Variants in OR8D4 observed in about 807,000 individuals in gnomAD.
OR8D4 encodes olfactory receptor 8D4.
For missense variants in OR8D4, 359 were observed against 372.6 expected (o/e 0.96, Z 0.30); for synonymous variants, 141 against 134.8 (o/e 1.05, Z -0.32).
In OR8D4 at chr11:123,907,297, T is replaced by C. The variant is rs1177985696; in HGVS notation, c.866T>C (p.Ile289Thr). The C allele has an allele frequency of 1.3e-6, 2 of 1,592,516 alleles. No homozygotes were observed. The highest frequency in any genetic ancestry group is 8.6e-7 in the Non-Finnish European group (1 of 1,163,862). ...GTGATTCTCATGTTGAATCCCTTGATATATAGTCTGAGGAACAATGAAGTA... is the reference window on the plus strand; with the variant it reads ...GTGATTCTCATGTTGAATCCCTTGACATATAGTCTGAGGAACAATGAAGTA... ...TTVILMLNPL[I>T]YSLRNNEVRN... Residue 289 changes from isoleucine to threonine, a missense_variant, in exon 2 of 2, where the codon ATA (isoleucine) becomes ACA (threonine). Coordinates refer to ENST00000641687, the MANE Select transcript of OR8D4 (RefSeq NM_001005197.2).
Position 123,908,458 on chromosome 11 carries a change from G to C in OR8D4, c.*1082G>C, listed in dbSNP as rs376169670. On this transcript the variant is annotated 3_prime_UTR_variant, in exon 2 of 2. Coordinates refer to ENST00000641687, the MANE Select transcript of OR8D4 (RefSeq NM_001005197.2). ...ATACAGTGAACCAAGATAGTATGCT[G>C]TATGGGGAATGTGATGTATTAGCTA... is the stretch of plus-strand genomic sequence containing the variant. The C allele has an allele frequency of 6.6e-6, 1 of 152,152 alleles. No individual in the cohort carries two copies. Among genetic ancestry groups the C allele is most frequent in the African/African-American group, 2.4e-5 (1 of 41,436 alleles). 9.4% of individuals were successfully genotyped at this position (152,152 alleles called of 1,614,324 possible). A position where few individuals can be genotyped will look rare whatever the true frequency, so the allele number is the denominator to read the frequency against.
At chr11:123,903,235 A>T (rs1863175368) in intron 1 of OR8D4, among the ~76,000 whole-genome samples, 1 of 152,164 alleles carries the variant, frequency 6.6e-6, no homozygotes, top group African/African-American at 2.4e-5. Flanking sequence ...CACCATTTTA[A>T]ATCAGGGACT....
Position 123,907,186 on chromosome 11 carries a change from A to T in OR8D4, c.755A>T (p.Tyr252Phe), listed in dbSNP as rs781326092. The T allele has an allele frequency of 1.9e-6, 3 of 1,613,634 alleles. No individual in the cohort carries two copies. The Admixed American group carries it at 5.0e-5, about 27-fold the overall frequency. ...SSHLTAVLMF[Y>F]GSLMSMYLKP... Reference sequence around the variant, plus strand: ...CACCTGACAGCTGTTCTTATGTTTTATGGGTCTCTGATGTCCATGTATCTC... The same window carrying T: ...CACCTGACAGCTGTTCTTATGTTTTTTGGGTCTCTGATGTCCATGTATCTC... The change falls in exon 2 of 2, where the codon TAT (tyrosine) becomes TTT (phenylalanine). Residue 252 changes from tyrosine to phenylalanine, a missense_variant. By Grantham distance (22) the Tyr-to-Phe change is conservative. Transcript: ENST00000641687.
rs17127950 is a variant in OR8D4 at position 123,906,705 on chromosome 11, A to G, written c.274A>G (p.Ile92Val). 0.19 allele frequency: 305,514 copies of G among 1,612,846 alleles called. 29,934 individuals are homozygous for G. Among genetic ancestry groups the G allele is most frequent in the African/African-American group, 0.25 (18,851 of 74,914 alleles). ...AGGGTTTTTATGCAGAGATAGATCCATCTCCTATTCTGGATGCATGATTCA... is the reference window on the plus strand; with the variant it reads ...AGGGTTTTTATGCAGAGATAGATCCGTCTCCTATTCTGGATGCATGATTCA... Reference protein sequence around the residue: ...LSGFLCRDRSISYSGCMIQLF... With the variant: ...LSGFLCRDRSVSYSGCMIQLF... The change falls in exon 2 of 2, where the codon ATC becomes GTC. Residue 92 changes from isoleucine to valine, a missense_variant. Ile to Val is a conservative substitution (Grantham distance 29). Transcript: ENST00000641687.
intron 1 of OR8D4, among the ~76,000 whole-genome samples, chr11:123,902,596 T>A (rs1410081226): frequency 6.6e-6 from 1 of 152,196 alleles, no homozygotes; most frequent in African/African-American, 2.4e-5. Context: ...GTATTTATTA[T>A]TTTTTACAGA....
At chr11:123,905,413 A>G (rs10893101) in intron 1 of OR8D4, among the ~76,000 whole-genome samples, 39,475 of 152,148 alleles carry the variant, frequency 0.26, 6,086 homozygotes, top group East Asian at 0.39. Flanking sequence ...ATAGTCCTTC[A>G]GGAGGACTGA....
At chr11:123,906,278 G>C in intron 1 of OR8D4, 139 bp from the exon 2 acceptor site, 1 of 584,312 alleles carries the variant, frequency 1.7e-6, no homozygotes, top group South Asian at 2.3e-5. Flanking sequence ...GATGCTTACC[G>C]ACTCCATTTC....
At chr11:123,902,936 A>C (rs1446936976) in intron 1 of OR8D4, among the ~76,000 whole-genome samples, 1 of 152,116 alleles carries the variant, frequency 6.6e-6, no homozygotes, top group Non-Finnish European at 1.5e-5. Context: ...TAAAATATGA[A>C]TTATATGTTG....
rs573158195 is a variant in OR8D4 at position 123,904,741 on chromosome 11, G to A, written c.-15-1676G>A. Among the ~76,000 whole-genome samples the A allele has an allele frequency of 3.9e-5, 6 of 152,272 alleles. No individual in the cohort carries two copies. In the South Asian group the frequency reaches 1.2e-3, roughly 32 times the overall value. ...TGTTTTAAACTGTGAGAAGGATTTGGGAAATAAGGAGTCACCTGCATCCTG... is the reference window on the plus strand; with the variant it reads ...TGTTTTAAACTGTGAGAAGGATTTGAGAAATAAGGAGTCACCTGCATCCTG... On this transcript the variant is annotated intron_variant, in intron 1 of 1. Transcript: ENST00000641687.
intron 1 of OR8D4, among the ~76,000 whole-genome samples, chr11:123,903,001 G>T (rs1863172977): frequency 6.6e-6 from 1 of 151,366 alleles, no homozygotes; most frequent in South Asian, 2.1e-4. Context: ...GTGTCTGTGG[G>T]TTCCACATCT....
At position 123,906,557 on chromosome 11, in the gene OR8D4, C is replaced by A; in HGVS notation, c.126C>A (p.Asn42Lys). Residue 42 changes from asparagine to lysine, a missense_variant, in exon 2 of 2, where the codon AAC becomes AAA. Transcript: ENST00000641687. ...TTTACACAGTTACTGTGGTGGGAAACCTCAGCATGATCTCAATTATTAGGC... is the reference window on the plus strand; with the variant it reads ...TTTACACAGTTACTGTGGTGGGAAAACTCAGCATGATCTCAATTATTAGGC... Reference protein sequence around the residue: ...LGIYTVTVVGNLSMISIIRLN... With the variant: ...LGIYTVTVVGKLSMISIIRLN... 1 of 1,613,806 alleles carries A rather than the reference C, an allele frequency of 6.2e-7. No homozygotes were observed. Among genetic ancestry groups the A allele is most frequent in the Non-Finnish European group, 8.5e-7 (1 of 1,179,766 alleles).
At chr11:123,905,360 A>C (rs1402081037) in intron 1 of OR8D4, among the ~76,000 whole-genome samples, 1 of 152,246 alleles carries the variant, frequency 6.6e-6, no homozygotes, top group East Asian at 1.9e-4. Flanking sequence ...AAAAGTGTGA[A>C]GTTGGCCTAT....
chr11:123,909,094 G>GTCA lies in OR8D4; in HGVS notation c.*1718_*1719insTCA. 1 of 152,292 alleles carries GTCA rather than the reference G, an allele frequency of 6.6e-6. No individual in the cohort carries two copies. The highest frequency in any genetic ancestry group is 2.1e-4 in the South Asian group (1 of 4,826). 9.4% of individuals were successfully genotyped at this position (152,292 alleles called of 1,614,324 possible). A position where few individuals can be genotyped will look rare whatever the true frequency, so the allele number is the denominator to read the frequency against. ...TTGTGGGAAGGGTTAGATAGGGAAA[G>GTCA]ATAGTGCTATTGGCCAGAGTGGAAG... On this transcript the variant is annotated 3_prime_UTR_variant, in exon 2 of 2. Coordinates refer to ENST00000641687, the MANE Select transcript of OR8D4 (RefSeq NM_001005197.2).
In OR8D4 at chr11:123,906,404, C is replaced by A; in HGVS notation, c.-15-13C>A. ...ACTGATAGAATTTGACTTTTTCTCT[C>A]TCATCTCCACAGATTTCTCAGAGAA... On this transcript the variant is annotated splice_polypyrimidine_tract_variant and intron_variant, in intron 1 of 1. Transcript: ENST00000641687. 1 of 1,434,668 alleles carries A rather than the reference C, an allele frequency of 7.0e-7. No individual in the cohort carries two copies. The highest frequency in any genetic ancestry group is 9.5e-7 in the Non-Finnish European group (1 of 1,051,128). The allele number at this position is 1,434,668 out of a possible 1,614,324, so 88.9% of individuals were successfully genotyped here. A position where few individuals can be genotyped will look rare whatever the true frequency, so the allele number is the denominator to read the frequency against.
rs1464312555 is a variant in OR8D4 at position 123,909,127 on chromosome 11, G to A, written c.*1751G>A. ...TATTGGCCAGAGTGGAAGCAGAGAG[G>A]GTACTTTTGATGCTGTTAAACTTAT... is the stretch of plus-strand genomic sequence containing the variant. On this transcript the variant is annotated 3_prime_UTR_variant, in exon 2 of 2. Transcript: ENST00000641687. The A allele has an allele frequency of 6.6e-6, 1 of 151,980 alleles. No homozygotes were observed. The highest frequency in any genetic ancestry group is 1.5e-5 in the Non-Finnish European group (1 of 67,984). 9.4% of individuals were successfully genotyped at this position (151,980 alleles called of 1,614,324 possible).
chr11:123,907,374 T>C lies in OR8D4; in HGVS notation c.943T>C (p.Ter315GlnextTer29). 1 of 1,136,222 alleles carries C rather than the reference T, an allele frequency of 8.8e-7. No individual in the cohort carries two copies. Among genetic ancestry groups the C allele is most frequent in the South Asian group, 1.4e-5 (1 of 69,032 alleles). The allele number at this position is 1,136,222 out of a possible 1,614,324, so 70.4% of individuals were successfully genotyped here. ...LRRKISLSPG[*>Q] is the part of the protein sequence containing the mutation. ...AAGAAAAATATCTTTATCTCCAGGA[T>C]AAATATGCTCTTTATTAAGATCTAT... The change falls in exon 2 of 2, where the codon TAA becomes CAA. Residue 315 changes from the stop codon to glutamine (Q), a stop_lost. Coordinates refer to ENST00000641687, the MANE Select transcript of OR8D4 (RefSeq NM_001005197.2).
At chr11:123,905,093 A>G (rs74994598) in intron 1 of OR8D4, among the ~76,000 whole-genome samples, 2,129 of 152,284 alleles carry the variant, frequency 0.014, 49 homozygotes, top group African/African-American at 0.048. Flanking sequence ...TGGCAGCACT[A>G]GTGTGTTATA....
In OR8D4 at chr11:123,906,763, A is replaced by C; in HGVS notation, c.332A>C (p.Glu111Ala). 1 of 1,613,970 alleles carries C rather than the reference A, an allele frequency of 6.2e-7. No homozygotes were observed. The highest frequency in any genetic ancestry group is 8.5e-7 in the Non-Finnish European group (1 of 1,179,890). ...TTTTTCTGTGTTTGTGTTATTTCTG[A>C]ATGCTACATGCTGGCAGCCATGGCC... ...LFFFCVCVISECYMLAAMACD... is the reference protein window; with the variant it reads ...LFFFCVCVISACYMLAAMACD... Residue 111 changes from glutamate to alanine, a missense_variant, in exon 2 of 2, where the codon GAA (glutamate) becomes GCA (alanine). Glu to Ala is a moderately radical substitution (Grantham distance 107, BLOSUM62 -1). Coordinates refer to ENST00000641687, the MANE Select transcript of OR8D4 (RefSeq NM_001005197.2).
rs796077789 is a variant in OR8D4 at position 123,908,898 on chromosome 11, T to C, written c.*1522T>C. 14 of 152,196 alleles carry C rather than the reference T, an allele frequency of 9.2e-5. No individual in the cohort carries two copies. Among genetic ancestry groups the C allele is most frequent in the African/African-American group, 9.6e-5 (4 of 41,536 alleles). The allele number at this position is 152,196 out of a possible 1,614,324, so 9.4% of individuals were successfully genotyped here. ...GAGGGAGAAAAGGAACCAAAGGAGG[T>C]TGGATAAGTAGGCAAACTCTAGATC... On this transcript the variant is annotated 3_prime_UTR_variant, in exon 2 of 2. Transcript: ENST00000641687.
Sources: gnomAD v4.1 joint callset for allele counts (sites outside exome capture counted in the v4.1 genomes callset) on GRCh38, gnomAD v4.1.1 for gene constraint, MANE v1.5 for transcripts, NCBI Gene and HGNC (gene_info 2026-07-23, HGNC 2026-07-21) for gene names.